OTUD7A: variants seen among roughly 807,000 people sequenced by gnomAD.
The protein encoded by OTUD7A is OTU domain-containing protein 7A.
Under a neutral mutation model 65.7 loss-of-function variants are expected in OTUD7A, and 12 were observed. That is an observed-to-expected ratio of 0.18 (90% CI 0.12 to 0.30). The LOEUF is 0.30. Among genes scored for constraint, OTUD7A ranks in the 10% least tolerant of loss-of-function variants. OTUD7A has a pLI of 1.00. For synonymous variants in OTUD7A, 641 were observed against 586.3 expected (o/e 1.09, Z -1.35); for missense variants, 1,148 against 1,304.8 (o/e 0.88, Z 1.85).
intron 12 of OTUD7A, among the ~76,000 whole-genome samples, chr15:31,485,753 T>A (rs1313365136): frequency 6.6e-6 from 1 of 152,132 alleles, no homozygotes; most frequent in Non-Finnish European, 1.5e-5. Context: ...GTCCCTGGCT[T>A]CCAGGGGATG....
intron 1 of OTUD7A, among the ~76,000 whole-genome samples, chr15:31,701,081 A>T (rs533492486): frequency 1.3e-5 from 2 of 152,370 alleles, no homozygotes; most frequent in South Asian, 4.1e-4. Flanking sequence ...CTTCAAAAGT[A>T]TAAGGGTAAT....
intron 1 of OTUD7A, among the ~76,000 whole-genome samples, chr15:31,753,704 A>ATATATATATATATATAT (rs1186552322): frequency 3.2e-3 from 47 of 14,914 alleles, no homozygotes; most frequent in East Asian, 0.011. Flanking sequence ...TATATATATT[A>ATATATATATATATATAT]TATATATATA....
chr15:31,503,129 C>T (rs1324472147), intron 9 of OTUD7A, among the ~76,000 whole-genome samples: 1 of 152,090 alleles, frequency 6.6e-6, no homozygotes, highest in African/African-American at 2.4e-5. Context: ...TGGTGTCCAC[C>T]CTGGGAGGTT....
In OTUD7A at chr15:31,631,465, G is replaced by C. The variant is rs548681671; in HGVS notation, c.151+23631C>G. Among the ~76,000 whole-genome samples, 5 of 152,300 alleles carry C rather than the reference G, an allele frequency of 3.3e-5. No homozygotes were observed. The East Asian group carries it at 9.6e-4, about 29-fold the overall frequency. On this transcript the variant is annotated intron_variant, in intron 3 of 12. Coordinates refer to ENST00000307050, the MANE Select transcript of OTUD7A (RefSeq NM_001382637.1). ...GTTTCTGCCGTGAGATCAGCTGTTA[G>C]TCTGATGGGTTTCCCTTTGTGGGTT...
intron 1 of OTUD7A, among the ~76,000 whole-genome samples, chr15:31,713,666 A>C (rs1428663315): frequency 6.7e-6 from 1 of 150,152 alleles, no homozygotes; most frequent in Admixed American, 6.7e-5. Context: ...AGATACATTA[A>C]GAACTTCTCT....
rs1428996381 is a variant in OTUD7A at position 31,655,102 on chromosome 15, G to A, written c.145C>T (p.Leu49=). 1 of 1,606,120 alleles carries A rather than the reference G, an allele frequency of 6.2e-7. No individual in the cohort carries two copies. The highest frequency in any genetic ancestry group is 1.3e-5 in the African/African-American group (1 of 74,728). The change falls in exon 3 of 13, where the codon CTG becomes TTG. Residue 49 remains leucine (L), a synonymous_variant. Transcript: ENST00000307050. ...GAEPGLARDL[L]EGKNWDLTAA... is the part of the protein sequence containing the mutation. ...AACAAGGAGGTGGGCTTACCTTCCA[G>A]CAGGTCTCTGGCCAGACCAGGTTCT...
intron 1 of OTUD7A, chr15:31,766,782 C>G: frequency 6.2e-7 from 1 of 1,612,648 alleles, no homozygotes; most frequent in South Asian, 1.1e-5. Context: ...AATGAAGATT[C>G]AACAGGAATT....
intron 8 of OTUD7A, among the ~76,000 whole-genome samples, chr15:31,511,041 C>CATGTATATCTATATGTAACATACATATAT (rs1566892694): frequency 0.022 from 305 of 13,836 alleles, 134 homozygotes; most frequent in Non-Finnish European, 0.03. Flanking sequence ...ATGTAACATA[C>CATGTATATCTATATGTAACATACATATAT]ATGTATATCT....
At chr15:31,592,588 A>AT (rs1889759260) in intron 3 of OTUD7A, among the ~76,000 whole-genome samples, 3 of 151,960 alleles carry the variant, frequency 2.0e-5, no homozygotes, top group Admixed American at 6.6e-5. Flanking sequence ...ACTTTAAAAA[A>AT]ATATATAAGT....
chr15:31,521,009 C>T (rs1045971908), intron 8 of OTUD7A, among the ~76,000 whole-genome samples: 1 of 152,178 alleles, frequency 6.6e-6, no homozygotes, highest in East Asian at 1.9e-4. Context: ...CGATTATCCT[C>T]AGTGATATAA....
intron 1 of OTUD7A, among the ~76,000 whole-genome samples, chr15:31,680,693 A>G (rs12905690): frequency 0.34 from 51,192 of 151,792 alleles, 11,323 homozygotes; most frequent in African/African-American, 0.63. Context: ...TCCTACTGAA[A>G]CTATTAAATA....
intron 8 of OTUD7A, among the ~76,000 whole-genome samples, chr15:31,515,375 C>G (rs2041828804): frequency 6.6e-6 from 1 of 152,066 alleles, no homozygotes; most frequent in African/African-American, 2.4e-5. Context: ...CGTGAAGGCT[C>G]AGTATTGGGC....
chr15:31,824,754 T>C (rs557149639), intron 1 of OTUD7A, among the ~76,000 whole-genome samples: 3 of 152,372 alleles, frequency 2.0e-5, no homozygotes, highest in East Asian at 3.9e-4. Flanking sequence ...CTGTAATTCA[T>C]GCAGATGGCC....
intron 1 of OTUD7A, among the ~76,000 whole-genome samples, chr15:31,762,281 C>T (rs1416072068): frequency 1.3e-5 from 2 of 152,254 alleles, no homozygotes; most frequent in African/African-American, 4.8e-5. Context: ...ATTCTCCTCT[C>T]TGCCCACAGG....
intron 3 of OTUD7A, among the ~76,000 whole-genome samples, chr15:31,616,846 C>A (rs1890602848): frequency 6.6e-6 from 1 of 152,058 alleles, no homozygotes; most frequent in Non-Finnish European, 1.5e-5. Flanking sequence ...GCCCAACCAG[C>A]TTTTACATTT....
chr15:31,770,439 CA>C (rs1034061182), intron 1 of OTUD7A, among the ~76,000 whole-genome samples: 2 of 152,156 alleles, frequency 1.3e-5, no homozygotes, highest in African/African-American at 4.8e-5. Context: ...ACTCTTCCCA[CA>C]AAGTAAAGTC....
At position 31,487,441 on chromosome 15, in the gene OTUD7A, T is replaced by G. The variant is rs2041253676; in HGVS notation, c.1286+11A>C. ...GTGGGCGCTGGGGAAAGGGACAGAG[T>G]AGGATCTTACTGGGCCAGCCGGGCG... On this transcript the variant is annotated intron_variant, in intron 11 of 12. Coordinates refer to ENST00000307050, the MANE Select transcript of OTUD7A (RefSeq NM_001382637.1). The surrounding 1 kb of genome is among the most constrained non-coding windows in gnomAD (Gnocchi z 6.0). The G allele has an allele frequency of 6.2e-7, 1 of 1,612,420 alleles. No individual in the cohort carries two copies.
chr15:31,769,231 T>C (rs1895167668), intron 1 of OTUD7A, among the ~76,000 whole-genome samples: 1 of 152,178 alleles, frequency 6.6e-6, no homozygotes, highest in Non-Finnish European at 1.5e-5. Context: ...TCAGATATAT[T>C]GTCATCAGAT....
At chr15:31,725,320 G>A (rs999581975) in intron 1 of OTUD7A, among the ~76,000 whole-genome samples, 31 of 152,186 alleles carry the variant, frequency 2.0e-4, no homozygotes, top group African/African-American at 7.2e-4. Flanking sequence ...CTGTCTCCCA[G>A]TTATTCCATT....
Sources: gnomAD v4.1 joint callset for allele counts (sites outside exome capture counted in the v4.1 genomes callset) on GRCh38, gnomAD v4.1.1 for gene constraint, Gnocchi (gnomAD v3.1) non-coding constraint, MANE v1.5 for transcripts, NCBI Gene and HGNC (gene_info 2026-07-23, HGNC 2026-07-21) for gene names.